The following LRFN2 variants were observed in gnomAD, a reference collection of about 807,000 sequenced individuals.
LRFN2 encodes leucine-rich repeat and fibronectin type-III domain-containing protein 2.
LRFN2 carries 18 observed loss-of-function variants against 37.3 expected under a neutral mutation model. The observed-to-expected ratio is 0.48, with a 90% CI of 0.33 to 0.72. The LOEUF is 0.72. Ranked by LOEUF, LRFN2 falls within the 30% of genes least tolerant of loss-of-function variation. The pLI, the probability that LRFN2 is intolerant of heterozygous loss-of-function variation, is 0.02. For synonymous variants in LRFN2, 556 were observed against 466.6 expected (o/e 1.19, Z -2.47); for missense variants, 1,006 against 1,060.7 (o/e 0.95, Z 0.72).
chr6:40,546,850 T>A (rs952217866), intron 1 of LRFN2, among the ~76,000 whole-genome samples: 1 of 151,988 alleles, frequency 6.6e-6, no homozygotes, highest in Non-Finnish European at 1.5e-5. Flanking sequence ...TGCGATAGAG[T>A]CAAGTTTGAG....
chr6:40,444,328 T>C (rs923935494), intron 1 of LRFN2, among the ~76,000 whole-genome samples: 1 of 152,118 alleles, frequency 6.6e-6, no homozygotes, highest in East Asian at 1.9e-4. Flanking sequence ...AATTAATCCA[T>C]TGGAAACAAC....
At chr6:40,443,934 C>CT (rs1384349120) in intron 1 of LRFN2, among the ~76,000 whole-genome samples, 2 of 152,128 alleles carry the variant, frequency 1.3e-5, no homozygotes, top group African/African-American at 4.8e-5. Context: ...GGATGTAGCC[C>CT]TAAGTACACA....
In LRFN2 at chr6:40,455,216, G is replaced by A. The variant is rs1013116723; in HGVS notation, c.-18-22085C>T. Among the ~76,000 whole-genome samples, 5 of 152,172 alleles carry A rather than the reference G, an allele frequency of 3.3e-5. No individual in the cohort carries two copies. The East Asian group carries it at 9.6e-4, about 29-fold the overall frequency. On this transcript the variant is annotated intron_variant, in intron 1 of 2. Transcript: ENST00000338305. The stretch of plus-strand genomic sequence containing the variant: ...CTTTCCTCTCACTTGGCTTATCACA[G>A]TAGCTTTCTGTCACTCCTCAATATG...
intron 1 of LRFN2, among the ~76,000 whole-genome samples, chr6:40,586,535 A>ACCTAGC (rs1375023160): frequency 2.0e-5 from 3 of 149,438 alleles, no homozygotes; most frequent in African/African-American, 7.5e-5. Context: ...CGGCGCCCCC[A>ACCTAGC]CCTAGCCCCC....
intron 1 of LRFN2, among the ~76,000 whole-genome samples, chr6:40,492,211 T>G (rs1446247192): frequency 1.3e-5 from 2 of 152,186 alleles, no homozygotes; most frequent in Non-Finnish European, 2.9e-5. Flanking sequence ...ATGGGACTAG[T>G]TGGGCAGGAT....
chr6:40,580,763 T>G (rs1464985486), intron 1 of LRFN2, among the ~76,000 whole-genome samples: 1 of 152,168 alleles, frequency 6.6e-6, no homozygotes, highest in Admixed American at 6.5e-5. Flanking sequence ...AAAGGGAGTG[T>G]GTGCATGTAT....
At chr6:40,442,175 C>T (rs1364316654) in intron 1 of LRFN2, among the ~76,000 whole-genome samples, 1 of 152,204 alleles carries the variant, frequency 6.6e-6, no homozygotes, top group Non-Finnish European at 1.5e-5. Context: ...AACTTCAGTG[C>T]AGGGTCTTCT....
At chr6:40,423,687 T>C (rs1316142191) in intron 2 of LRFN2, among the ~76,000 whole-genome samples, 2 of 152,162 alleles carry the variant, frequency 1.3e-5, no homozygotes, top group South Asian at 2.1e-4. Flanking sequence ...CTAGCTTCCT[T>C]TGCAGAAATG....
chr6:40,402,338 C>G (rs1416151450), intron 2 of LRFN2, among the ~76,000 whole-genome samples: 2 of 152,150 alleles, frequency 1.3e-5, no homozygotes, highest in African/African-American at 4.8e-5. Flanking sequence ...CCAGGTCTGC[C>G]AGGCCACGGA....
At chr6:40,556,019 T>C (rs1057438715) in intron 1 of LRFN2, among the ~76,000 whole-genome samples, 3 of 152,164 alleles carry the variant, frequency 2.0e-5, no homozygotes, top group Non-Finnish European at 4.4e-5. Context: ...ACAGGGAGAA[T>C]GCACTCTGTT....
chr6:40,457,874 G>T (rs1366434174), intron 1 of LRFN2, among the ~76,000 whole-genome samples: 1 of 152,140 alleles, frequency 6.6e-6, no homozygotes, highest in Non-Finnish European at 1.5e-5. Flanking sequence ...ATCAATGTGT[G>T]TGATTGACAG....
At chr6:40,442,618 G>T (rs1395369927) in intron 1 of LRFN2, among the ~76,000 whole-genome samples, 2 of 151,788 alleles carry the variant, frequency 1.3e-5, no homozygotes, top group African/African-American at 4.8e-5. Context: ...TCTCCTCTCA[G>T]ACTAGGGCTC....
chr6:40,580,930 T>A (rs1448323495), intron 1 of LRFN2, among the ~76,000 whole-genome samples: 2 of 152,176 alleles, frequency 1.3e-5, no homozygotes, highest in Non-Finnish European at 2.9e-5. Flanking sequence ...TAAATGTATG[T>A]GTGTATAAGT....
chr6:40,395,446 G>A (rs989681339), intron 2 of LRFN2, among the ~76,000 whole-genome samples: 44 of 152,140 alleles, frequency 2.9e-4, no homozygotes, highest in African/African-American at 5.6e-4. Context: ...TGTGACTCAC[G>A]CTCCTCTACT....
intron 1 of LRFN2, among the ~76,000 whole-genome samples, chr6:40,530,371 G>A (rs147708033): frequency 3.9e-5 from 6 of 152,312 alleles, no homozygotes; most frequent in East Asian, 3.9e-4. Flanking sequence ...TATGGTAAGC[G>A]TGAATGGTGA....
chr6:40,399,358 T>G (rs181317847), intron 2 of LRFN2, among the ~76,000 whole-genome samples: 7 of 151,674 alleles, frequency 4.6e-5, no homozygotes, highest in Admixed American at 6.6e-5. Flanking sequence ...CACCTGTTGT[T>G]GACCTCTGAG....
intron 1 of LRFN2, among the ~76,000 whole-genome samples, chr6:40,453,430 C>T (rs568818718): frequency 1.5e-4 from 23 of 151,552 alleles, no homozygotes; most frequent in East Asian, 3.9e-4. Flanking sequence ...CAACACCCAC[C>T]GCAACCACCC....
At chr6:40,431,327 G>A (rs1333745960) in intron 2 of LRFN2, among the ~76,000 whole-genome samples, 1 of 152,184 alleles carries the variant, frequency 6.6e-6, no homozygotes, top group Non-Finnish European at 1.5e-5. Flanking sequence ...CCAGGTGAAG[G>A]TCAAATGCAT....
intron 1 of LRFN2, among the ~76,000 whole-genome samples, chr6:40,482,202 T>C (rs1764846721): frequency 6.6e-6 from 1 of 152,134 alleles, no homozygotes; most frequent in Non-Finnish European, 1.5e-5. Flanking sequence ...AACCTTGGCT[T>C]CTGAAACTCA....
Sources: gnomAD v4.1 joint callset for allele counts (sites outside exome capture counted in the v4.1 genomes callset) on GRCh38, gnomAD v4.1.1 for gene constraint, MANE v1.5 for transcripts, NCBI Gene and HGNC (gene_info 2026-07-23, HGNC 2026-07-21) for gene names.